SPIDR: variants seen among roughly 807,000 people sequenced by gnomAD.
SPIDR encodes scaffold protein involved in DNA repair.
A neutral mutation model predicts 104.6 loss-of-function variants in SPIDR; 93 were observed. That is an observed-to-expected ratio of 0.89 (90% CI 0.75 to 1.06). The LOEUF is 1.06. Among genes scored for constraint, SPIDR ranks in the 50% least tolerant of loss-of-function variants. The probability of loss-of-function intolerance (pLI) is 0.00; values close to 1 mark genes in which losing one functional copy is unlikely to be tolerated. For synonymous variants in SPIDR, 431 were observed against 416.9 expected (o/e 1.03, Z -0.41); for missense variants, 1,154 against 1,111.2 (o/e 1.04, Z -0.55).
intron 3 of SPIDR, 22 bp from the exon 4 acceptor site, chr8:47,291,011 G>C: frequency 6.4e-7 from 1 of 1,568,962 alleles, no homozygotes; most frequent in Non-Finnish European, 8.7e-7. Context: ...TCATATTTAT[G>C]TGCTTTCTTT....
intron 10 of SPIDR, among the ~76,000 whole-genome samples, chr8:47,642,665 G>A (rs1013391798): frequency 7.9e-5 from 12 of 151,928 alleles, no homozygotes; most frequent in African/African-American, 1.9e-4. Context: ...CTTTAATCCC[G>A]GCACTTTGGG....
intron 8 of SPIDR, among the ~76,000 whole-genome samples, chr8:47,513,896 G>A (rs985762779): frequency 6.6e-6 from 1 of 152,144 alleles, no homozygotes; most frequent in Non-Finnish European, 1.5e-5. Context: ...AAAACAGGTT[G>A]TTTTTGCTAT....
intron 8 of SPIDR, among the ~76,000 whole-genome samples, chr8:47,476,212 C>T (rs567110088): frequency 5.9e-5 from 9 of 152,262 alleles, no homozygotes; most frequent in African/African-American, 1.9e-4. Context: ...GTTGTGTCTA[C>T]GCTCCAGGGG....
At chr8:47,479,176 T>C (rs976879869) in intron 8 of SPIDR, among the ~76,000 whole-genome samples, 10 of 151,910 alleles carry the variant, frequency 6.6e-5, no homozygotes, top group South Asian at 2.1e-4. Context: ...CTGGCCAACA[T>C]GGTAAAACCC....
intron 5 of SPIDR, among the ~76,000 whole-genome samples, chr8:47,349,071 T>TC (rs1357639347): frequency 6.6e-6 from 1 of 152,244 alleles, no homozygotes; most frequent in Non-Finnish European, 1.5e-5. Context: ...CTCTGGTTTC[T>TC]CCCCAACTTT....
chr8:47,621,169 A>C (rs891097249), intron 10 of SPIDR, among the ~76,000 whole-genome samples: 12 of 151,874 alleles, frequency 7.9e-5, no homozygotes, highest in African/African-American at 2.4e-4. Flanking sequence ...GTTGGCCAGG[A>C]TGGTCTCGAT....
intron 10 of SPIDR, among the ~76,000 whole-genome samples, chr8:47,662,585 C>T (rs891978827): frequency 6.6e-5 from 10 of 152,270 alleles, no homozygotes; most frequent in African/African-American, 2.2e-4. Context: ...AAACCCTTTC[C>T]CTCACCAGTG....
At chr8:47,512,107 A>G (rs561616952) in intron 8 of SPIDR, 61 of 516,560 alleles carry the variant, frequency 1.2e-4, no homozygotes, top group African/African-American at 9.3e-4. Context: ...CATCACCACC[A>G]CGAACTCTCT....
At chr8:47,646,260 CTT>C (rs778504212) in intron 10 of SPIDR, among the ~76,000 whole-genome samples, 28 of 152,210 alleles carry the variant, frequency 1.8e-4, no homozygotes, top group Admixed American at 1.6e-3. Flanking sequence ...ATTTTAGTAA[CTT>C]TTGTTTGGTG....
chr8:47,414,279 G>A (rs782668046), intron 7 of SPIDR, among the ~76,000 whole-genome samples: 3 of 152,162 alleles, frequency 2.0e-5, no homozygotes, highest in Non-Finnish European at 4.4e-5. Flanking sequence ...AGTTGACAGA[G>A]TGTCTTCTGC....
At chr8:47,374,535 A>T (rs1554641093) in intron 5 of SPIDR, among the ~76,000 whole-genome samples, 1 of 152,200 alleles carries the variant, frequency 6.6e-6, no homozygotes, top group African/African-American at 2.4e-5. Flanking sequence ...TGTAGTTTTA[A>T]GTCTAAATAT....
chr8:47,268,974 C>CA (rs1477096883), intron 1 of SPIDR, among the ~76,000 whole-genome samples: 2 of 151,854 alleles, frequency 1.3e-5, no homozygotes, highest in African/African-American at 4.8e-5. Flanking sequence ...CGAGACCAGC[C>CA]TGGGCAACAT....
intron 5 of SPIDR, among the ~76,000 whole-genome samples, chr8:47,366,806 T>C (rs974755307): frequency 1.3e-5 from 2 of 152,218 alleles, no homozygotes; most frequent in Non-Finnish European, 2.9e-5. Flanking sequence ...ATTTGGGAGT[T>C]ACCTATGATT....
At chr8:47,398,925 G>T (rs938466420) in intron 6 of SPIDR, among the ~76,000 whole-genome samples, 1 of 152,202 alleles carries the variant, frequency 6.6e-6, no homozygotes, top group Non-Finnish European at 1.5e-5. Flanking sequence ...TGCCAGGGCT[G>T]ACCTCTGTGA....
At chr8:47,612,525 G>A (rs954688404) in intron 10 of SPIDR, among the ~76,000 whole-genome samples, 4 of 152,222 alleles carry the variant, frequency 2.6e-5, no homozygotes, top group African/African-American at 9.6e-5. Flanking sequence ...GGGAGAAAGT[G>A]TCATTCCTAA....
intron 16 of SPIDR, among the ~76,000 whole-genome samples, chr8:47,717,810 TC>T (rs1357484690): frequency 1.3e-5 from 2 of 152,202 alleles, no homozygotes; most frequent in African/African-American, 2.4e-5. Flanking sequence ...AAAGCTCTGT[TC>T]CTGGTAGCAA....
chr8:47,450,487 T>G (rs1483383823), intron 8 of SPIDR, among the ~76,000 whole-genome samples: 2 of 152,182 alleles, frequency 1.3e-5, no homozygotes, highest in Non-Finnish European at 2.9e-5. Flanking sequence ...ATTCAGACTA[T>G]AGCAGGGTGT....
intron 5 of SPIDR, among the ~76,000 whole-genome samples, chr8:47,372,984 A>G (rs2058218370): frequency 6.6e-6 from 1 of 152,192 alleles, no homozygotes; most frequent in Admixed American, 6.5e-5. Context: ...AGGGCAATGA[A>G]AAGGAAGAGA....
chr8:47,599,173 A>C lies in SPIDR; in HGVS notation c.1521A>C (p.Gly507=). 6.2e-7 allele frequency: 1 copy of C among 1,613,590 alleles called. No homozygotes were observed. The highest frequency in any genetic ancestry group is 8.5e-7 in the Non-Finnish European group (1 of 1,179,756). The stretch of plus-strand genomic sequence containing the variant: ...GGGGTCAGCAGGGGGCCAGCTCAGG[A>C]CACACAGACCCAGCTGGAACTCGGT... ...STRGQQGASS[G]HTDPAGTRAC... Residue 507 remains glycine, a synonymous_variant, in exon 10 of 20, where the codon GGA becomes GGC. Transcript: ENST00000297423.
Sources: gnomAD v4.1 joint callset for allele counts (sites outside exome capture counted in the v4.1 genomes callset) on GRCh38, gnomAD v4.1.1 for gene constraint, MANE v1.5 for transcripts, NCBI Gene and HGNC (gene_info 2026-07-23, HGNC 2026-07-21) for gene names.